ITGA8: variants seen among roughly 807,000 people sequenced by gnomAD.
ITGA8 encodes integrin alpha-8.
A neutral mutation model predicts 142.3 loss-of-function variants in ITGA8; 91 were observed. The observed-to-expected ratio is 0.64, with a 90% CI of 0.54 to 0.76. The LOEUF is 0.76. Among genes scored for constraint, ITGA8 ranks in the 30% least tolerant of loss-of-function variants. ITGA8 has a pLI of 0.00. For synonymous variants in ITGA8, 505 were observed against 485.2 expected (o/e 1.04, Z -0.54); for missense variants, 1,406 against 1,327.7 (o/e 1.06, Z -0.92).
At chr10:15,595,042 A>G (rs1197037616) in intron 21 of ITGA8, among the ~76,000 whole-genome samples, 2 of 152,188 alleles carry the variant, frequency 1.3e-5, no homozygotes, top group East Asian at 3.9e-4. Flanking sequence ...ACCGTTTAAA[A>G]AAATTTTCCC....
chr10:15,544,724 G>A (rs140942663), intron 27 of ITGA8, among the ~76,000 whole-genome samples: 28 of 152,346 alleles, frequency 1.8e-4, no homozygotes, highest in Middle Eastern at 6.8e-3. Flanking sequence ...TTGTGTGGGT[G>A]CCTCGCCTAC....
chr10:15,641,962 T>C (rs1833879790), intron 13 of ITGA8, among the ~76,000 whole-genome samples: 1 of 152,082 alleles, frequency 6.6e-6, no homozygotes, highest in South Asian at 2.1e-4. Context: ...ACCCCATCTC[T>C]ACTAAAACTA....
intron 8 of ITGA8, among the ~76,000 whole-genome samples, chr10:15,666,447 A>T (rs1204081624): frequency 6.6e-6 from 1 of 152,198 alleles, no homozygotes; most frequent in East Asian, 1.9e-4. Flanking sequence ...CTAGATATAC[A>T]GTCATGTCAT....
chr10:15,656,747 A>G (rs1433588986), intron 10 of ITGA8, among the ~76,000 whole-genome samples: 1 of 152,130 alleles, frequency 6.6e-6, no homozygotes, highest in East Asian at 1.9e-4. Flanking sequence ...CTCTCACCAG[A>G]TTTGACCCAT....
intron 10 of ITGA8, among the ~76,000 whole-genome samples, chr10:15,658,334 A>G (rs555857311): frequency 1.3e-5 from 2 of 152,244 alleles, no homozygotes; most frequent in South Asian, 4.2e-4. Flanking sequence ...TCAGGCCTTT[A>G]TAGACTATTG....
chr10:15,599,733 C>A (rs1833068602), intron 20 of ITGA8, among the ~76,000 whole-genome samples: 1 of 151,932 alleles, frequency 6.6e-6, no homozygotes, highest in Non-Finnish European at 1.5e-5. Context: ...GCAGTCTGGC[C>A]AACATGGTGA....
intron 10 of ITGA8, among the ~76,000 whole-genome samples, chr10:15,657,066 CTT>C (rs1834198429): frequency 6.6e-6 from 1 of 152,152 alleles, no homozygotes. Context: ...AATTCTTTCT[CTT>C]GATGTGGTGG....
At chr10:15,526,647 A>G (rs1403374395) in intron 28 of ITGA8, among the ~76,000 whole-genome samples, 1 of 152,208 alleles carries the variant, frequency 6.6e-6, no homozygotes, top group Non-Finnish European at 1.5e-5. Context: ...GAACAATTCA[A>G]TCTTGTGCCA....
At chr10:15,529,152 A>G (rs965432135) in intron 28 of ITGA8, among the ~76,000 whole-genome samples, 1 of 151,878 alleles carries the variant, frequency 6.6e-6, no homozygotes, top group Non-Finnish European at 1.5e-5. Flanking sequence ...GCATGCGATC[A>G]TAGCTCACTG....
intron 28 of ITGA8, among the ~76,000 whole-genome samples, chr10:15,530,239 A>C (rs542015857): frequency 6.6e-6 from 1 of 152,068 alleles, no homozygotes; most frequent in South Asian, 2.1e-4. Flanking sequence ...AATGTTTAGT[A>C]GTTTCAGTTT....
intron 8 of ITGA8, among the ~76,000 whole-genome samples, chr10:15,661,820 T>C (rs1043406291): frequency 6.6e-6 from 1 of 152,130 alleles, no homozygotes; most frequent in African/African-American, 2.4e-5. Context: ...AAAACAGGGT[T>C]CAGAAAAACT....
chr10:15,524,973 T>C (rs1031160973), intron 28 of ITGA8, among the ~76,000 whole-genome samples: 1 of 152,154 alleles, frequency 6.6e-6, no homozygotes, highest in Non-Finnish European at 1.5e-5. Flanking sequence ...CACTGACATA[T>C]ATGAAGAATC....
At chr10:15,655,433 T>C in intron 10 of ITGA8, 27 bp from the exon 11 acceptor site, 1 of 1,560,010 alleles carries the variant, frequency 6.4e-7, no homozygotes, top group Non-Finnish European at 8.8e-7. Context: ...GGAGATGACA[T>C]TTTGTGTCCA....
intron 23 of ITGA8, among the ~76,000 whole-genome samples, chr10:15,581,882 A>G (rs985099258): frequency 7.9e-5 from 12 of 152,226 alleles, no homozygotes; most frequent in African/African-American, 2.4e-4. Flanking sequence ...TTTTCAACAA[A>G]GGTGCCAAAG....
chr10:15,519,481 C>A, intron 28 of ITGA8, 69 bp from the exon 29 acceptor site: 1 of 1,521,472 alleles, frequency 6.6e-7, no homozygotes, highest in Non-Finnish European at 9.1e-7. Flanking sequence ...TAGTAATTAC[C>A]AGTACAACAT....
At chr10:15,716,851 G>A (rs1212553842) in intron 2 of ITGA8, among the ~76,000 whole-genome samples, 3 of 151,808 alleles carry the variant, frequency 2.0e-5, no homozygotes, top group African/African-American at 7.3e-5. Context: ...TAGTAGAGAT[G>A]GGGTTTCACC....
At chr10:15,552,355 T>A (rs532710286) in intron 26 of ITGA8, among the ~76,000 whole-genome samples, 1 of 152,202 alleles carries the variant, frequency 6.6e-6, no homozygotes, top group Non-Finnish European at 1.5e-5. Flanking sequence ...GCCAGGATGG[T>A]CTCAAATCTC....
intron 10 of ITGA8, 79 bp downstream of exon 10, chr10:15,658,920 G>T: frequency 2.1e-6 from 2 of 964,710 alleles, no homozygotes; most frequent in Non-Finnish European, 3.2e-6. Flanking sequence ...TTGTCAAATG[G>T]ATGAATAACT....
chr10:15,673,299 G>A (rs886951260), intron 6 of ITGA8, among the ~76,000 whole-genome samples: 8 of 152,068 alleles, frequency 5.3e-5, no homozygotes, highest in African/African-American at 1.4e-4. Flanking sequence ...TGGCAAGGGC[G>A]GTCTCAAATT....
Sources: allele counts gnomAD v4.1 joint callset (sites outside exome capture counted in the v4.1 genomes callset), GRCh38; gene constraint gnomAD v4.1.1; transcripts MANE v1.5; gene names NCBI Gene and HGNC (gene_info 2026-07-23, HGNC 2026-07-21).